KCNIP4: variants seen among roughly 807,000 people sequenced by gnomAD.
The protein encoded by KCNIP4 is Kv channel-interacting protein 4.
In KCNIP4, 12 loss-of-function variants were observed where a neutral mutation model predicts 34.0. That is an observed-to-expected ratio of 0.35 (90% CI 0.23 to 0.57). The LOEUF is 0.57. Ranked by LOEUF, KCNIP4 falls within the 20% of genes least tolerant of loss-of-function variation. The pLI, the probability that KCNIP4 is intolerant of heterozygous loss-of-function variation, is 0.83. For synonymous variants in KCNIP4, 124 were observed against 102.2 expected (o/e 1.21, Z -1.29); for missense variants, 238 against 311.7 (o/e 0.76, Z 1.78).
chr4:20,950,339 G>C (rs1033115210), intron 1 of KCNIP4, among the ~76,000 whole-genome samples: 5 of 151,996 alleles, frequency 3.3e-5, no homozygotes, highest in African/African-American at 1.2e-4. Context: ...CCTTGACTTT[G>C]AGTCATGATG....
chr4:20,810,199 C>T (rs940832740), intron 3 of KCNIP4, among the ~76,000 whole-genome samples: 4 of 152,238 alleles, frequency 2.6e-5, no homozygotes, highest in Admixed American at 6.5e-5. Flanking sequence ...ACTGCAAAAG[C>T]GAGCCATTGT....
chr4:21,938,496 T>C (rs1278393524), intron 1 of KCNIP4, among the ~76,000 whole-genome samples: 1 of 152,168 alleles, frequency 6.6e-6, no homozygotes, highest in East Asian at 1.9e-4. Flanking sequence ...ATAATGCTCT[T>C]TTCTACGTAA....
chr4:21,868,727 C>A (rs1045586756), intron 1 of KCNIP4, among the ~76,000 whole-genome samples: 1 of 152,110 alleles, frequency 6.6e-6, no homozygotes, highest in Non-Finnish European at 1.5e-5. Context: ...TAATGAGAAT[C>A]CATCCTGAAA....
At position 20,924,327 on chromosome 4, in the gene KCNIP4, T is replaced by A. The variant is rs111787994; in HGVS notation, c.62-41618A>T. On this transcript the variant is annotated intron_variant, in intron 1 of 8. Transcript: ENST00000382152. ...GTATCAGTAATGCCAAGAATGGAAATCCTCTCAATGGTGGTACCAAGCCTA... is the reference window on the plus strand; with the variant it reads ...GTATCAGTAATGCCAAGAATGGAAAACCTCTCAATGGTGGTACCAAGCCTA... Among the ~76,000 whole-genome samples, 477 of 152,296 alleles carry A rather than the reference T, an allele frequency of 3.1e-3. 3 individuals carry two copies. Among genetic ancestry groups the A allele is most frequent in the African/African-American group, 0.011 (456 of 41,562 alleles).
intron 1 of KCNIP4, among the ~76,000 whole-genome samples, chr4:21,686,740 A>G (rs1315508087): frequency 6.6e-6 from 1 of 152,174 alleles, no homozygotes; most frequent in Non-Finnish European, 1.5e-5. Flanking sequence ...GAACCATAAC[A>G]CAGATTAGAA....
At chr4:20,872,685 A>G (rs1343535483) in intron 2 of KCNIP4, among the ~76,000 whole-genome samples, 1 of 152,166 alleles carries the variant, frequency 6.6e-6, no homozygotes, top group African/African-American at 2.4e-5. Flanking sequence ...AATATTACAT[A>G]AAACAAAGAA....
chr4:21,675,007 C>T (rs1428744044), intron 1 of KCNIP4, among the ~76,000 whole-genome samples: 2 of 152,240 alleles, frequency 1.3e-5, no homozygotes, highest in East Asian at 3.9e-4. Flanking sequence ...ATGCTTATTG[C>T]AGCACTACTT....
In KCNIP4 at chr4:21,072,827, G is replaced by A. The variant is rs112923582; in HGVS notation, c.62-190118C>T. On this transcript the variant is annotated intron_variant, in intron 1 of 8. Coordinates refer to ENST00000382152, the MANE Select transcript of KCNIP4 (RefSeq NM_025221.6). ...CACCTTGAATTAATTTTCATATAAG[G>A]TGTAAGGAAGGGATCCAGTTTCAGT... Among the ~76,000 whole-genome samples, 767 of 152,210 alleles carry A rather than the reference G, an allele frequency of 5.0e-3. 6 individuals are homozygous for A. The highest frequency in any genetic ancestry group is 0.018 in the African/African-American group (728 of 41,532).
chr4:21,513,616 C>A (rs1734516426), intron 1 of KCNIP4, among the ~76,000 whole-genome samples: 1 of 152,162 alleles, frequency 6.6e-6, no homozygotes. Flanking sequence ...GTATTTTCCC[C>A]AGTGGTTTGC....
At chr4:21,917,914 TTAGA>T (rs1357298136) in intron 1 of KCNIP4, among the ~76,000 whole-genome samples, 5 of 152,206 alleles carry the variant, frequency 3.3e-5, no homozygotes, top group Non-Finnish European at 7.3e-5. Context: ...AATTCTGTTA[TTAGA>T]TAGATACAGT....
At chr4:21,790,492 C>G (rs1413253468) in intron 1 of KCNIP4, among the ~76,000 whole-genome samples, 1 of 151,986 alleles carries the variant, frequency 6.6e-6, no homozygotes, top group Non-Finnish European at 1.5e-5. Context: ...CAAAACCTCA[C>G]ATTATGACAA....
intron 1 of KCNIP4, among the ~76,000 whole-genome samples, chr4:21,629,040 C>T (rs1745532376): frequency 6.6e-6 from 1 of 152,150 alleles, no homozygotes; most frequent in African/African-American, 2.4e-5. Context: ...CTCCACACCC[C>T]TCCAAGGTGT....
At chr4:21,861,388 C>T (rs576738598) in intron 1 of KCNIP4, among the ~76,000 whole-genome samples, 24 of 152,256 alleles carry the variant, frequency 1.6e-4, no homozygotes, top group South Asian at 4.1e-4. Flanking sequence ...TCAGCTCAAG[C>T]TTTAAAAATA....
At chr4:21,021,071 C>A (rs1466923418) in intron 1 of KCNIP4, among the ~76,000 whole-genome samples, 1 of 152,192 alleles carries the variant, frequency 6.6e-6, no homozygotes, top group East Asian at 1.9e-4. Context: ...TACACACCTA[C>A]ACGATGTGAT....
chr4:21,739,784 A>C (rs549299517), intron 1 of KCNIP4, among the ~76,000 whole-genome samples: 1 of 152,190 alleles, frequency 6.6e-6, no homozygotes, highest in Non-Finnish European at 1.5e-5. Context: ...CCTTTATGTC[A>C]CCGCCAATTT....
chr4:21,348,156 C>T (rs1383037293), intron 1 of KCNIP4, among the ~76,000 whole-genome samples: 1 of 152,150 alleles, frequency 6.6e-6, no homozygotes, highest in Non-Finnish European at 1.5e-5. Context: ...TTGAGCTTGA[C>T]TGGTATATCG....
intron 1 of KCNIP4, among the ~76,000 whole-genome samples, chr4:21,099,340 T>A (rs1036607290): frequency 6.6e-6 from 1 of 152,188 alleles, no homozygotes; most frequent in Non-Finnish European, 1.5e-5. Flanking sequence ...GAAGATGTTA[T>A]CCTCAGCAAA....
intron 5 of KCNIP4, among the ~76,000 whole-genome samples, chr4:20,742,235 C>T (rs1461286943): frequency 5.3e-5 from 8 of 152,164 alleles, no homozygotes; most frequent in Non-Finnish European, 1.0e-4. Flanking sequence ...CCAGCATCAT[C>T]CTGATACCAA....
chr4:21,868,048 G>A (rs928078816), intron 1 of KCNIP4, among the ~76,000 whole-genome samples: 1 of 152,146 alleles, frequency 6.6e-6, no homozygotes, highest in Non-Finnish European at 1.5e-5. Flanking sequence ...TGCCGACCTA[G>A]AAGTCTTGCT....
Sources: allele counts gnomAD v4.1 joint callset (sites outside exome capture counted in the v4.1 genomes callset), GRCh38; gene constraint gnomAD v4.1.1; transcripts MANE v1.5; gene names NCBI Gene and HGNC (gene_info 2026-07-23, HGNC 2026-07-21).